The following SDCBP variants were observed in gnomAD, a reference collection of about 807,000 sequenced individuals.
SDCBP encodes the protein syntenin-1.
A neutral mutation model predicts 30.5 loss-of-function variants in SDCBP; 22 were observed. That is an observed-to-expected ratio of 0.72 (90% CI 0.52 to 1.03). The LOEUF is 1.03. SDCBP is among the 50% of genes least tolerant of loss of function. The pLI is 0.00. For synonymous variants in SDCBP, 103 were observed against 118.7 expected (o/e 0.87, Z 0.86); for missense variants, 304 against 369.9 (o/e 0.82, Z 1.46).
chr8:58,570,275 T>C (rs1318120280), intron 2 of SDCBP, among the ~76,000 whole-genome samples: 1 of 152,192 alleles, frequency 6.6e-6, no homozygotes, highest in Non-Finnish European at 1.5e-5. Flanking sequence ...AGAGTGATTT[T>C]GGCAAGTTTG....
At chr8:58,580,757 G>C in intron 8 of SDCBP, 149 bp downstream of exon 8, 1 of 599,964 alleles carries the variant, frequency 1.7e-6, no homozygotes, top group Non-Finnish European at 2.9e-6. Flanking sequence ...TTAAATCAGA[G>C]GGTTGGTAAG....
chr8:58,577,881 TATACTC>T (rs1805434485), intron 5 of SDCBP, 146 bp from the exon 6 acceptor site: 1 of 586,452 alleles, frequency 1.7e-6, no homozygotes, highest in East Asian at 3.1e-5. Flanking sequence ...GATAACTTAA[TATACTC>T]ATATAGTTTT....
rs1805567691 is a variant in SDCBP at position 58,579,668 on chromosome 8, T to C, written c.624T>C (p.His208=). ...TITMHKDSTG[H]VGFIFKNGKI... is the part of the protein sequence containing the mutation. The stretch of plus-strand genomic sequence containing the variant: ...CCATGCATAAGGATAGCACTGGACA[T>C]GTTGGTTTTATCTTTAAAAATGGAA... Residue 208 remains histidine, a synonymous_variant, in exon 7 of 9, where the codon CAT becomes CAC. Coordinates refer to ENST00000260130, the MANE Select transcript of SDCBP (RefSeq NM_005625.4). 2.5e-6 allele frequency: 4 copies of C among 1,611,174 alleles called. No individual in the cohort carries two copies. In the Admixed American group the frequency reaches 5.0e-5, roughly 20 times the overall value.
chr8:58,571,166 A>T (rs1489206987), intron 3 of SDCBP, among the ~76,000 whole-genome samples: 1 of 152,190 alleles, frequency 6.6e-6, no homozygotes, highest in Non-Finnish European at 1.5e-5. Flanking sequence ...GGATATGGGG[A>T]TGTATTTCAT....
intron 2 of SDCBP, among the ~76,000 whole-genome samples, chr8:58,569,871 T>C (rs1804919984): frequency 6.6e-6 from 1 of 152,152 alleles, no homozygotes; most frequent in Non-Finnish European, 1.5e-5. Context: ...TATTAAAGGA[T>C]GACTCAACAA....
chr8:58,579,631 A>T lies in SDCBP; in HGVS notation c.587A>T (p.Glu196Val), dbSNP rs544424949. 4 of 1,570,506 alleles carry T rather than the reference A, an allele frequency of 2.5e-6. No individual in the cohort carries two copies. In the African/African-American group the frequency reaches 5.5e-5, roughly 21 times the overall value. ...ACCAATTATGTTTGTAGGCCCTTTG[A>T]ACGGACGATTACCATGCATAAGGAT... is the stretch of plus-strand genomic sequence containing the variant. ...ITMTIRDRPF[E>V]RTITMHKDST... The change falls in exon 7 of 9, where the codon GAA becomes GTA. Residue 196 changes from glutamate (E) to valine (V), a missense_variant. Transcript: ENST00000260130.
At chr8:58,569,880 A>G (rs1233392440) in intron 2 of SDCBP, among the ~76,000 whole-genome samples, 1 of 152,184 alleles carries the variant, frequency 6.6e-6, no homozygotes. Flanking sequence ...ATGACTCAAC[A>G]AGTATATCAG....
At chr8:58,567,793 A>C (rs1023787732) in intron 2 of SDCBP, among the ~76,000 whole-genome samples, 1 of 152,194 alleles carries the variant, frequency 6.6e-6, no homozygotes, top group African/African-American at 2.4e-5. Context: ...TGATACAGTA[A>C]TACTGCATGT....
chr8:58,576,105 C>T (rs189568967), intron 5 of SDCBP, 44 bp downstream of exon 5: 3 of 1,322,166 alleles, frequency 2.3e-6, no homozygotes, highest in African/African-American at 2.9e-5. Context: ...AAATCTCTTA[C>T]ATAATAAGTG....
chr8:58,572,390 C>T, intron 4 of SDCBP, 76 bp downstream of exon 4: 9 of 975,754 alleles, frequency 9.2e-6, no homozygotes, highest in East Asian at 2.4e-5. Flanking sequence ...CTCTTTGTGG[C>T]TAACTCACAG....
rs1464284577 is a variant in SDCBP, at chr8:58,572,260, TGAA to T, written c.193_195del (p.Glu65del). 1 of 1,612,546 alleles carries T rather than the reference TGAA, an allele frequency of 6.2e-7. No homozygotes were observed. The highest frequency in any genetic ancestry group is 1.7e-5 in the Admixed American group (1 of 60,024). ...CTCAATACATGGGGCTGAGTTTAAATGAAGAAGAAATACGTGCAAATGTGGCCG... is the reference window on the plus strand; with the variant it reads ...CTCAATACATGGGGCTGAGTTTAAATGAAGAAATACGTGCAAATGTGGCCG... On this transcript the variant is annotated inframe_deletion, in exon 4 of 9. Transcript: ENST00000260130.
At chr8:58,575,103 A>G (rs1805247208) in intron 4 of SDCBP, among the ~76,000 whole-genome samples, 1 of 152,158 alleles carries the variant, frequency 6.6e-6, no homozygotes, top group Non-Finnish European at 1.5e-5. Flanking sequence ...GATTCCACAT[A>G]TAAGTGGGAC....
At chr8:58,566,076 C>G (rs1804696299) in intron 2 of SDCBP, among the ~76,000 whole-genome samples, 2 of 152,056 alleles carry the variant, frequency 1.3e-5, no homozygotes, top group Non-Finnish European at 2.9e-5. Flanking sequence ...GGCTTTGATG[C>G]CTCAAAGTTT....
intron 2 of SDCBP, among the ~76,000 whole-genome samples, chr8:58,566,956 C>T (rs1421653282): frequency 3.3e-5 from 5 of 152,164 alleles, no homozygotes; most frequent in Non-Finnish European, 5.9e-5. Flanking sequence ...GTTTCCTCTA[C>T]TTATGCAAAG....
intron 7 of SDCBP, among the ~76,000 whole-genome samples, 166 bp from the exon 8 acceptor site, chr8:58,580,351 G>C (rs1352294464): frequency 5.9e-5 from 9 of 152,006 alleles, no homozygotes; most frequent in Admixed American, 5.9e-4. Flanking sequence ...TAAGCAATTT[G>C]GTTACTAGCT....
chr8:58,569,923 A>G (rs993144776), intron 2 of SDCBP, among the ~76,000 whole-genome samples: 16 of 152,198 alleles, frequency 1.1e-4, no homozygotes. Flanking sequence ...CAAAGCTTTC[A>G]TAGGCTTTAC....
At chr8:58,554,361 G>GT (rs1803983126) in intron 1 of SDCBP, among the ~76,000 whole-genome samples, 1 of 152,126 alleles carries the variant, frequency 6.6e-6, no homozygotes, top group Admixed American at 6.5e-5. Flanking sequence ...TTATTTTCCT[G>GT]TTTAAGATTG....
intron 5 of SDCBP, among the ~76,000 whole-genome samples, chr8:58,577,282 T>C (rs114073590): frequency 8.7e-4 from 133 of 152,382 alleles, no homozygotes; most frequent in African/African-American, 3.0e-3. Flanking sequence ...TAGAAGTAGA[T>C]GCACTTATAT....
chr8:58,575,398 C>A (rs1169409614), intron 4 of SDCBP, among the ~76,000 whole-genome samples: 1 of 152,118 alleles, frequency 6.6e-6, no homozygotes, highest in Admixed American at 6.5e-5. Flanking sequence ...TAGATGGTTA[C>A]TAGAGGGGAA....
Sources: gnomAD v4.1 joint callset for allele counts (sites outside exome capture counted in the v4.1 genomes callset) on GRCh38, gnomAD v4.1.1 for gene constraint, MANE v1.5 for transcripts, NCBI Gene and HGNC (gene_info 2026-07-23, HGNC 2026-07-21) for gene names.